Variants in HDAC9 observed in about 807,000 individuals in gnomAD.
The protein encoded by HDAC9 is MEF-2 interacting transcription repressor (MITR) protein.
A neutral mutation model predicts 139.4 loss-of-function variants in HDAC9; 41 were observed. The ratio of observed to expected loss-of-function variants is 0.29; its 90% CI spans 0.23 to 0.38. The LOEUF (loss-of-function observed/expected upper bound fraction) is 0.38, where lower values mean the gene tolerates loss of function less well. Ranked by LOEUF, HDAC9 falls within the 10% of genes least tolerant of loss-of-function variation. The pLI is 1.00. For missense variants in HDAC9, 1,147 were observed against 1,297.0 expected (o/e 0.88, Z 1.78); for synonymous variants, 517 against 476.2 (o/e 1.09, Z -1.12).
At chr7:18,982,730 G>A (rs10264832) in intron 25 of HDAC9, among the ~76,000 whole-genome samples, 2,332 of 152,200 alleles carry the variant, frequency 0.015, 52 homozygotes, top group African/African-American at 0.052. Flanking sequence ...GGAATCATGC[G>A]TGTGTACTGT....
At chr7:18,633,949 A>G (rs950379923) in intron 7 of HDAC9, among the ~76,000 whole-genome samples, 1 of 152,114 alleles carries the variant, frequency 6.6e-6, no homozygotes, top group African/African-American at 2.4e-5. Flanking sequence ...GACTTTTGCT[A>G]AAAGGAATTT....
chr7:18,332,053 G>A (rs930867890), intron 1 of HDAC9, among the ~76,000 whole-genome samples: 7 of 151,588 alleles, frequency 4.6e-5, no homozygotes, highest in Admixed American at 1.3e-4. Flanking sequence ...GCCTTTGCCC[G>A]TCATTCAGAT....
intron 2 of HDAC9, among the ~76,000 whole-genome samples, chr7:18,172,700 T>C (rs1788547832): frequency 6.6e-6 from 1 of 152,136 alleles, no homozygotes; most frequent in Non-Finnish European, 1.5e-5. Context: ...GCCTTCATTT[T>C]GTTATTTACC....
intron 2 of HDAC9, among the ~76,000 whole-genome samples, chr7:18,180,265 A>ACCCCCC (rs1554322994): frequency 4.0e-5 from 6 of 151,212 alleles, no homozygotes; most frequent in Non-Finnish European, 7.4e-5. Context: ...ACACACACAC[A>ACCCCCC]CACACACACC....
intron 2 of HDAC9, among the ~76,000 whole-genome samples, chr7:18,201,825 T>G (rs925141584): frequency 5.3e-5 from 8 of 152,218 alleles, no homozygotes; most frequent in Admixed American, 1.3e-4. Flanking sequence ...TTCTCCTGAA[T>G]AGAGTTGAAA....
intron 16 of HDAC9, among the ~76,000 whole-genome samples, chr7:18,789,285 C>T (rs1349609245): frequency 2.5e-5 from 2 of 80,166 alleles, no homozygotes; most frequent in African/African-American, 4.3e-5. Context: ...GACACATACA[C>T]GCACACACAC....
chr7:18,718,425 G>T (rs1276004782), intron 12 of HDAC9, among the ~76,000 whole-genome samples: 4 of 151,646 alleles, frequency 2.6e-5, no homozygotes, highest in Non-Finnish European at 5.9e-5. Context: ...TAGAGACGGG[G>T]TTTCACCTTG....
intron 1 of HDAC9, among the ~76,000 whole-genome samples, chr7:18,483,679 TAA>T (rs966938259): frequency 1.3e-5 from 2 of 152,192 alleles, no homozygotes; most frequent in African/African-American, 4.8e-5. Flanking sequence ...CATCTGGAAA[TAA>T]AGTCATTTAA....
chr7:18,838,812 T>G (rs1022578978), intron 21 of HDAC9, among the ~76,000 whole-genome samples: 3 of 151,980 alleles, frequency 2.0e-5, no homozygotes, highest in African/African-American at 7.2e-5. Context: ...AAGTATCTTT[T>G]GAAGGAAAAT....
intron 22 of HDAC9, among the ~76,000 whole-genome samples, chr7:18,888,288 G>T (rs1049310145): frequency 7.2e-5 from 11 of 152,170 alleles, no homozygotes; most frequent in Non-Finnish European, 1.6e-4. Context: ...AGCCAGGCGT[G>T]GTGGCGGGCG....
chr7:18,296,362 C>G (rs992333468), intron 1 of HDAC9, among the ~76,000 whole-genome samples: 1 of 151,390 alleles, frequency 6.6e-6, no homozygotes, highest in South Asian at 2.1e-4. Context: ...TAAAGATCTA[C>G]GTCTTTAAAA....
intron 1 of HDAC9, among the ~76,000 whole-genome samples, chr7:18,329,374 A>G (rs1319302066): frequency 6.6e-6 from 1 of 151,852 alleles, no homozygotes; most frequent in Non-Finnish European, 1.5e-5. Flanking sequence ...AACTTGATGC[A>G]TCTTTCTACA....
At chr7:18,304,476 C>A (rs993246918) in intron 1 of HDAC9, among the ~76,000 whole-genome samples, 5 of 152,098 alleles carry the variant, frequency 3.3e-5, no homozygotes, top group Admixed American at 6.5e-5. Context: ...TAGCAAGCAT[C>A]ATGGAGCCCC....
intron 1 of HDAC9, among the ~76,000 whole-genome samples, chr7:18,378,587 CTAGAGCAA>C (rs1177164937): frequency 6.6e-6 from 1 of 151,880 alleles, no homozygotes; most frequent in Non-Finnish European, 1.5e-5. Context: ...TGGATGTTTA[CTAGAGCAA>C]AGTGAAATTA....
intron 22 of HDAC9, among the ~76,000 whole-genome samples, chr7:18,916,022 GAAAA>G (rs55866735): frequency 7.2e-6 from 1 of 138,120 alleles, no homozygotes; most frequent in Admixed American, 7.3e-5. Context: ...CCCCCCGCTG[GAAAA>G]AAAAAAAAAA....
chr7:18,415,311 C>T (rs765347699), intron 1 of HDAC9, among the ~76,000 whole-genome samples: 12 of 152,146 alleles, frequency 7.9e-5, no homozygotes, highest in Non-Finnish European at 1.2e-4. Context: ...GGTACAACTG[C>T]GCTAGTTTTA....
At chr7:18,332,682 G>A (rs1375884616) in intron 1 of HDAC9, among the ~76,000 whole-genome samples, 1 of 151,548 alleles carries the variant, frequency 6.6e-6, no homozygotes, top group African/African-American at 2.4e-5. Flanking sequence ...ATACTTTCCA[G>A]AAATTCAAGA....
chr7:18,630,913 A>G (rs1475278154), intron 7 of HDAC9, among the ~76,000 whole-genome samples: 1 of 152,144 alleles, frequency 6.6e-6, no homozygotes, highest in African/African-American at 2.4e-5. Context: ...TGGTTTTTCT[A>G]ACTGCAGAAA....
At chr7:18,733,337 ATG>A (rs928911030) in intron 13 of HDAC9, among the ~76,000 whole-genome samples, 1 of 149,794 alleles carries the variant, frequency 6.7e-6, no homozygotes, top group African/African-American at 2.4e-5. Context: ...ATATATGTGT[ATG>A]TGTGTGTGTA....
Sources: allele counts gnomAD v4.1 joint callset (sites outside exome capture counted in the v4.1 genomes callset), GRCh38; gene constraint gnomAD v4.1.1; transcripts MANE v1.5; gene names NCBI Gene and HGNC (gene_info 2026-07-23, HGNC 2026-07-21).